CALN1: variants seen among roughly 807,000 people sequenced by gnomAD.
The protein encoded by CALN1 is calneuron 1.
Under a neutral mutation model 30.6 loss-of-function variants are expected in CALN1, and 17 were observed. The ratio of observed to expected loss-of-function variants is 0.56; its 90% CI spans 0.38 to 0.83. CALN1 has a LOEUF of 0.83. Ranked by LOEUF, CALN1 falls within the 40% of genes least tolerant of loss-of-function variation. The probability of loss-of-function intolerance (pLI) is 0.00; values close to 1 mark genes in which losing one functional copy is unlikely to be tolerated. For synonymous variants in CALN1, 156 were observed against 131.4 expected (o/e 1.19, Z -1.28); for missense variants, 291 against 354.9 (o/e 0.82, Z 1.45).
intron 4 of CALN1, among the ~76,000 whole-genome samples, chr7:72,094,175 G>T (rs899842742): frequency 6.6e-6 from 1 of 152,170 alleles, no homozygotes; most frequent in Non-Finnish European, 1.5e-5. Context: ...TTACATCTGG[G>T]GAATAGGTGT....
intron 3 of CALN1, among the ~76,000 whole-genome samples, chr7:72,215,084 C>T (rs1462392290): frequency 6.6e-6 from 1 of 152,076 alleles, no homozygotes; most frequent in Non-Finnish European, 1.5e-5. Context: ...CCAAAACCAT[C>T]CGACATCCCC....
At chr7:72,133,892 C>A (rs979123445) in intron 3 of CALN1, among the ~76,000 whole-genome samples, 9 of 152,152 alleles carry the variant, frequency 5.9e-5, no homozygotes, top group Admixed American at 2.0e-4. Flanking sequence ...GGCCTGTAAC[C>A]TTAAAAAATA....
upstream of CALN1, among the ~76,000 whole-genome samples, chr7:72,416,855 TG>T (rs1184263415): frequency 6.6e-6 from 1 of 151,210 alleles, no homozygotes; most frequent in Admixed American, 6.6e-5. Context: ...AGGGTTGAGC[TG>T]GGGTGGGCTG....
At chr7:72,035,559 T>C (rs1311975096) in intron 4 of CALN1, among the ~76,000 whole-genome samples, 1 of 152,230 alleles carries the variant, frequency 6.6e-6, no homozygotes, top group African/African-American at 2.4e-5. Flanking sequence ...TTGTGTGTAG[T>C]TGATCTTTTT....
At chr7:72,178,621 G>T (rs914378948) in intron 3 of CALN1, among the ~76,000 whole-genome samples, 8 of 151,768 alleles carry the variant, frequency 5.3e-5, no homozygotes, top group Non-Finnish European at 8.8e-5. Context: ...CTCGGGAGGC[G>T]GAGGTTGCAG....
chr7:72,470,721 T>C, the CALN1 span, among the ~76,000 whole-genome samples: 3 of 152,190 alleles, frequency 2.0e-5, no homozygotes, highest in African/African-American at 7.2e-5. Context: ...TGGGATACCA[T>C]AAAGACCACT....
intron 2 of CALN1, among the ~76,000 whole-genome samples, chr7:72,392,988 ACT>A (rs1044047169): frequency 2.0e-5 from 3 of 151,940 alleles, no homozygotes; most frequent in African/African-American, 4.8e-5. Flanking sequence ...ACACAGCAAG[ACT>A]CTGTCACTTA....
intron 2 of CALN1, among the ~76,000 whole-genome samples, chr7:72,375,076 G>A (rs1259725592): frequency 2.0e-5 from 3 of 152,128 alleles, no homozygotes; most frequent in Non-Finnish European, 2.9e-5. Context: ...ATTTACAGAT[G>A]ACATGGTAGT....
chr7:72,434,565 G>A (rs1242577238), intron 1 of CALN1, among the ~76,000 whole-genome samples: 2 of 151,752 alleles, frequency 1.3e-5, no homozygotes, highest in African/African-American at 2.4e-5. Flanking sequence ...GGAAGAGGAA[G>A]AGGAAGAGGA....
chr7:72,347,930 A>G (rs1034161120), intron 2 of CALN1, among the ~76,000 whole-genome samples: 1 of 152,086 alleles, frequency 6.6e-6, no homozygotes, highest in Non-Finnish European at 1.5e-5. Context: ...CAGGAGTTTG[A>G]GACCAGCCTG....
intron 3 of CALN1, among the ~76,000 whole-genome samples, chr7:72,196,626 A>C (rs1350273255): frequency 1.3e-5 from 2 of 152,248 alleles, no homozygotes; most frequent in Non-Finnish European, 2.9e-5. Flanking sequence ...AGAAAAAGAA[A>C]GATCTAGAGA....
intron 2 of CALN1, among the ~76,000 whole-genome samples, chr7:72,340,919 T>C (rs1000647320): frequency 2.0e-5 from 3 of 152,198 alleles, no homozygotes; most frequent in African/African-American, 7.2e-5. Flanking sequence ...GTCTGTGCCT[T>C]TGGCCTTCCC....
chr7:71,797,138 C>T (rs548034326), intron 6 of CALN1, among the ~76,000 whole-genome samples: 2 of 152,332 alleles, frequency 1.3e-5, no homozygotes, highest in South Asian at 2.1e-4. Flanking sequence ...CATTTGGGAG[C>T]TGGGCTGCAT....
intron 2 of CALN1, among the ~76,000 whole-genome samples, chr7:72,397,433 G>T (rs1806035285): frequency 6.6e-6 from 1 of 152,246 alleles, no homozygotes; most frequent in East Asian, 1.9e-4. Flanking sequence ...TGAGAATGTT[G>T]CCTGGTCATC....
At chr7:72,391,606 A>G (rs1371906921) in intron 2 of CALN1, among the ~76,000 whole-genome samples, 1 of 151,692 alleles carries the variant, frequency 6.6e-6, no homozygotes. Context: ...GTGGGAGATA[A>G]TTGAATCATG....
intron 5 of CALN1, among the ~76,000 whole-genome samples, chr7:71,921,795 G>A (rs1794958788): frequency 6.6e-6 from 1 of 152,090 alleles, no homozygotes; most frequent in Admixed American, 6.6e-5. Context: ...CCTTGGCTTT[G>A]AAAACCCTTT....
intron 4 of CALN1, among the ~76,000 whole-genome samples, chr7:72,035,012 AAACTAAT>A (rs932930847): frequency 6.6e-6 from 1 of 152,132 alleles, no homozygotes; most frequent in African/African-American, 2.4e-5. Context: ...CACTCCCGAA[AAACTAAT>A]AATAGCAATT....
chr7:71,843,153 T>G (rs2116511921), intron 5 of CALN1, among the ~76,000 whole-genome samples: 1 of 152,310 alleles, frequency 6.6e-6, no homozygotes. Context: ...TACATCTTCT[T>G]ATTCTCCCTA....
intron 3 of CALN1, among the ~76,000 whole-genome samples, chr7:72,135,471 C>T (rs1809443560): frequency 6.6e-6 from 1 of 152,174 alleles, no homozygotes; most frequent in Non-Finnish European, 1.5e-5. Flanking sequence ...TCTCCTTGTA[C>T]ATCTCCATTA....
Sources: gnomAD v4.1 joint callset for allele counts (sites outside exome capture counted in the v4.1 genomes callset) on GRCh38, gnomAD v4.1.1 for gene constraint, MANE v1.5 for transcripts, NCBI Gene and HGNC (gene_info 2026-07-23, HGNC 2026-07-21) for gene names.